ZFHX3: variants seen among roughly 807,000 people sequenced by gnomAD.
The protein encoded by ZFHX3 is zinc finger homeobox 3.
A neutral mutation model predicts 279.1 loss-of-function variants in ZFHX3; 42 were observed. That is an observed-to-expected ratio of 0.15 (90% confidence interval 0.12 to 0.19). The LOEUF (loss-of-function observed/expected upper bound fraction) is 0.19. Ranked by LOEUF, ZFHX3 falls within the 10% of genes least tolerant of loss-of-function variation. ZFHX3 has a pLI of 1.00. For synonymous variants in ZFHX3, 2,293 were observed against 1,957.8 expected (o/e 1.17, Z -4.52); for missense variants, 4,981 against 4,754.0 (o/e 1.05, Z -1.40).
chr16:72,993,324 T>G (rs757967131), intron 1 of ZFHX3, among the ~76,000 whole-genome samples: 1 of 152,218 alleles, frequency 6.6e-6, no homozygotes, highest in East Asian at 1.9e-4. Flanking sequence ...ATGTGGTCTA[T>G]GCTAAGAGAT....
chr16:73,226,580 A>G (rs2012598686), intron 5 of ZFHX3, among the ~76,000 whole-genome samples: 1 of 152,258 alleles, frequency 6.6e-6, no homozygotes, highest in Non-Finnish European at 1.5e-5. Context: ...TGAGCTCCCC[A>G]AAGACAGAGC....
chr16:73,864,236 T>C (rs1013422299), intron 1 of ZFHX3, among the ~76,000 whole-genome samples: 2 of 152,232 alleles, frequency 1.3e-5, no homozygotes, highest in Non-Finnish European at 2.9e-5. Context: ...CTGATTTCTA[T>C]AGCCTCCTCC....
At chr16:73,017,778 G>C (rs7203014) in intron 1 of ZFHX3, among the ~76,000 whole-genome samples, 30,946 of 151,896 alleles carry the variant, frequency 0.2, 3,406 homozygotes, top group Admixed American at 0.32. Context: ...GCTCTCTCTG[G>C]ACTAGGGCTA....
intron 3 of ZFHX3, among the ~76,000 whole-genome samples, chr16:73,349,934 T>C (rs2016207236): frequency 6.8e-6 from 1 of 147,854 alleles, no homozygotes; most frequent in African/African-American, 2.5e-5. Context: ...TTTCCTCTCC[T>C]TTTCCCCCCT....
chr16:73,486,054 T>G (rs1017396094), intron 2 of ZFHX3, among the ~76,000 whole-genome samples: 1 of 152,236 alleles, frequency 6.6e-6, no homozygotes, highest in Non-Finnish European at 1.5e-5. Context: ...GTTGAGTGAA[T>G]GTCATCTGAT....
At position 73,098,063 on chromosome 16, in the gene ZFHX3, G is replaced by T. The variant is rs1394456062; in HGVS notation, c.-896-4465C>A. On this transcript the variant is annotated intron_variant, in intron 7 of 17. Coordinates refer to the ZFHX3 transcript ENST00000641206. ...GAGTGTACAAGTATCTGCGTCCCTT[G>T]TGTATCTATTTTTTTTTTTTTTGAG... Among the ~76,000 whole-genome samples the T allele has an allele frequency of 4.0e-4, 52 of 130,856 alleles. 1 individual carries two copies. The Admixed American group carries it at 4.3e-3, about 11-fold the overall frequency. 85.8% of individuals were successfully genotyped at this position (130,856 alleles called of 152,430 possible). A position where few individuals can be genotyped will look rare whatever the true frequency, so the allele number is the denominator to read the frequency against.
chr16:73,023,263 G>A (rs1212270756), intron 1 of ZFHX3, among the ~76,000 whole-genome samples: 1 of 152,198 alleles, frequency 6.6e-6, no homozygotes, highest in Non-Finnish European at 1.5e-5. Flanking sequence ...TATAGTATTT[G>A]CTGAACAAAA....
intron 2 of ZFHX3, among the ~76,000 whole-genome samples, chr16:73,540,730 G>A (rs1456459624): frequency 3.3e-5 from 5 of 152,152 alleles, no homozygotes; most frequent in African/African-American, 1.2e-4. Flanking sequence ...GAGATACTGT[G>A]CTCGGTGAAC....
rs1027456175 is a variant in ZFHX3, at chr16:73,254,730, A to T, written c.-1104+2317T>A. 7.2e-5 allele frequency among the ~76,000 whole-genome samples: 11 copies of T among 152,038 alleles called. No individual in the cohort carries two copies. The East Asian group carries it at 1.7e-3, about 24-fold the overall frequency. Reference sequence around the variant, plus strand: ...ATGTTTTTGTCTCATAGAAATATTGATCTCATCTTCATTGCAAAAAGTCAC... The same window carrying T: ...ATGTTTTTGTCTCATAGAAATATTGTTCTCATCTTCATTGCAAAAAGTCAC... On this transcript the variant is annotated intron_variant, in intron 5 of 17. Transcript: ENST00000641206.
At chr16:73,888,748 G>C (rs951615049) in intron 1 of ZFHX3, among the ~76,000 whole-genome samples, 2 of 152,150 alleles carry the variant, frequency 1.3e-5, no homozygotes, top group Non-Finnish European at 2.9e-5. Context: ...TGGATGTCTG[G>C]GCTGGCGGCT....
At chr16:73,888,738 TG>T (rs945904797) in intron 1 of ZFHX3, among the ~76,000 whole-genome samples, 6 of 152,152 alleles carry the variant, frequency 3.9e-5, no homozygotes, top group African/African-American at 1.4e-4. Context: ...GCTTTCCGGG[TG>T]GATGTCTGGG....
intron 2 of ZFHX3, among the ~76,000 whole-genome samples, chr16:73,470,706 A>G (rs1033425221): frequency 1.3e-5 from 2 of 152,218 alleles, no homozygotes; most frequent in Non-Finnish European, 2.9e-5. Flanking sequence ...TTCAACAGAT[A>G]CATTTTCAGC....
intron 2 of ZFHX3, among the ~76,000 whole-genome samples, chr16:73,469,176 G>T: frequency 6.6e-6 from 1 of 152,186 alleles, no homozygotes; most frequent in East Asian, 1.9e-4. Context: ...ACCTTGGAAA[G>T]GACAGAGGCT....
chr16:73,570,213 A>C lies in ZFHX3; in HGVS notation c.-1547+109967T>G, dbSNP rs16972188. Among the ~76,000 whole-genome samples, 722 of 152,308 alleles carry C rather than the reference A, an allele frequency of 4.7e-3. 6 individuals carry two copies. Among genetic ancestry groups the C allele is most frequent in the African/African-American group, 0.016 (682 of 41,570 alleles). ...ATCACTGAGTTACCCAAAAAAAGTT[A>C]ACATATTCAGAAAAATCCTTAGGAT... On this transcript the variant is annotated intron_variant, in intron 2 of 17. Coordinates refer to the ZFHX3 transcript ENST00000641206.
At chr16:73,853,298 C>A (rs1961635673) in intron 1 of ZFHX3, among the ~76,000 whole-genome samples, 1 of 152,172 alleles carries the variant, frequency 6.6e-6, no homozygotes, top group Admixed American at 6.5e-5. Flanking sequence ...ATAGAGCTAC[C>A]ATTTGACTCA....
chr16:73,155,048 T>A (rs1340982425), intron 5 of ZFHX3, among the ~76,000 whole-genome samples: 1 of 151,720 alleles, frequency 6.6e-6, no homozygotes, highest in Non-Finnish European at 1.5e-5. Flanking sequence ...GTGGCTGCAC[T>A]TGTAGTGCCA....
intron 2 of ZFHX3, among the ~76,000 whole-genome samples, chr16:73,631,927 TCACACACACACACACACACA>T (rs60955432): frequency 7.3e-6 from 1 of 136,726 alleles, no homozygotes; most frequent in Admixed American, 7.3e-5. Flanking sequence ...TCTCTCTCTC[TCACACACACACACACACACA>T]CACACACACA....
At chr16:73,216,262 T>C (rs1007324849) in intron 5 of ZFHX3, among the ~76,000 whole-genome samples, 1 of 152,226 alleles carries the variant, frequency 6.6e-6, no homozygotes, top group Non-Finnish European at 1.5e-5. Context: ...TGTTAGTCCC[T>C]TGATTTGTGG....
chr16:73,391,399 C>G (rs2017010500), intron 3 of ZFHX3, among the ~76,000 whole-genome samples: 1 of 151,452 alleles, frequency 6.6e-6, no homozygotes, highest in Non-Finnish European at 1.5e-5. Context: ...TTGCAGTGAG[C>G]CAAGGTCATG....
Sources: allele counts gnomAD v4.1 joint callset (sites outside exome capture counted in the v4.1 genomes callset), GRCh38; gene constraint gnomAD v4.1.1; transcripts MANE v1.5; gene names NCBI Gene and HGNC (gene_info 2026-07-23, HGNC 2026-07-21).